NRG3: variants seen among roughly 807,000 people sequenced by gnomAD.
NRG3 encodes pro-neuregulin-3, membrane-bound isoform.
Under a neutral mutation model 66.9 loss-of-function variants are expected in NRG3, and 31 were observed. The observed-to-expected ratio is 0.46, with a 90% confidence interval of 0.35 to 0.63. NRG3 has a LOEUF of 0.63. NRG3 is among the 20% of genes least tolerant of loss of function. NRG3 has a pLI of 0.00. For missense variants in NRG3, 910 were observed against 878.9 expected (o/e 1.04, Z -0.45); for synonymous variants, 393 against 359.4 (o/e 1.09, Z -1.06).
intron 3 of NRG3, among the ~76,000 whole-genome samples, chr10:82,756,730 G>C (rs1207507362): frequency 6.6e-6 from 1 of 151,686 alleles, no homozygotes; most frequent in African/African-American, 2.4e-5. Context: ...ATGTAACAGT[G>C]AAACAAACTG....
chr10:82,521,154 G>A (rs570484573), intron 2 of NRG3, among the ~76,000 whole-genome samples: 10 of 152,058 alleles, frequency 6.6e-5, no homozygotes, highest in East Asian at 5.8e-4. Flanking sequence ...CTATACTGTC[G>A]TTTATTAAAT....
chr10:82,203,818 CA>C (rs2074972938), intron 1 of NRG3, among the ~76,000 whole-genome samples: 1 of 152,056 alleles, frequency 6.6e-6, no homozygotes, highest in Non-Finnish European at 1.5e-5. Context: ...TATTTAACAA[CA>C]GCCAGGAACA....
At chr10:82,901,398 G>A (rs1591885811) in intron 4 of NRG3, among the ~76,000 whole-genome samples, 1 of 152,198 alleles carries the variant, frequency 6.6e-6, no homozygotes, top group Middle Eastern at 3.4e-3. Context: ...CCTTAGAGAG[G>A]TGGAAAAATG....
chr10:82,684,853 A>C (rs143457346), intron 2 of NRG3, among the ~76,000 whole-genome samples: 2 of 152,292 alleles, frequency 1.3e-5, no homozygotes, highest in East Asian at 3.9e-4. Flanking sequence ...CAGAAAAAAA[A>C]CTGACTAAAT....
chr10:81,920,590 T>C (rs546720234), intron 1 of NRG3, among the ~76,000 whole-genome samples: 1 of 152,330 alleles, frequency 6.6e-6, no homozygotes, highest in Non-Finnish European at 1.5e-5. Context: ...TTTGGAAAAT[T>C]TTGATATAGG....
intron 2 of NRG3, among the ~76,000 whole-genome samples, chr10:82,493,780 C>T (rs12780487): frequency 0.53 from 80,665 of 151,996 alleles, 25,030 homozygotes; most frequent in South Asian, 0.75. Context: ...TTCTGCACAG[C>T]AAAAGAAACT....
At position 82,272,423 on chromosome 10, in the gene NRG3, A is replaced by G. The variant is rs2078644992; in HGVS notation, c.824-86316A>G. Among the ~76,000 whole-genome samples the G allele has an allele frequency of 5.3e-5, 8 of 152,138 alleles. No homozygotes were observed. The South Asian group carries it at 1.7e-3, about 32-fold the overall frequency. Reference sequence around the variant, plus strand: ...GGGAGTTTGGAATTGCTTGGGTGCAAGAGAAGCCAGTGAAACATAAAGATG... The same window carrying G: ...GGGAGTTTGGAATTGCTTGGGTGCAGGAGAAGCCAGTGAAACATAAAGATG... On this transcript the variant is annotated intron_variant, in intron 1 of 8. Transcript: ENST00000372141.
chr10:82,179,816 G>T (rs2073291394), intron 1 of NRG3, among the ~76,000 whole-genome samples: 1 of 151,816 alleles, frequency 6.6e-6, no homozygotes, highest in Non-Finnish European at 1.5e-5. Flanking sequence ...TCTGTAGATT[G>T]CTTTGATACC....
intron 2 of NRG3, among the ~76,000 whole-genome samples, chr10:82,479,574 G>A (rs1378572498): frequency 2.1e-5 from 3 of 144,916 alleles, no homozygotes; most frequent in Non-Finnish European, 3.0e-5. Flanking sequence ...TGAGGCAGGA[G>A]AATCGCTTGA....
At chr10:82,678,381 G>C (rs1398308914) in intron 2 of NRG3, among the ~76,000 whole-genome samples, 1 of 152,134 alleles carries the variant, frequency 6.6e-6, no homozygotes, top group African/African-American at 2.4e-5. Flanking sequence ...GGCCGGCAGG[G>C]GTGGGGGTCA....
intron 1 of NRG3, among the ~76,000 whole-genome samples, chr10:82,261,477 G>C (rs191352307): frequency 1.7e-4 from 26 of 152,210 alleles, no homozygotes; most frequent in Admixed American, 1.5e-3. Context: ...CAGCTGGGTC[G>C]TGGAGACCTT....
chr10:82,645,100 T>C (rs1253607707), intron 2 of NRG3, among the ~76,000 whole-genome samples: 2 of 152,194 alleles, frequency 1.3e-5, no homozygotes, highest in African/African-American at 4.8e-5. Flanking sequence ...TTCATATTTT[T>C]TCTTTTTTCT....
intron 4 of NRG3, among the ~76,000 whole-genome samples, chr10:82,907,309 T>G (rs1044652063): frequency 6.6e-6 from 1 of 152,226 alleles, no homozygotes; most frequent in South Asian, 2.1e-4. Flanking sequence ...GAAGATCTTC[T>G]TATGTAAAAT....
At chr10:82,937,616 T>G (rs1208465057) in intron 4 of NRG3, among the ~76,000 whole-genome samples, 1 of 152,154 alleles carries the variant, frequency 6.6e-6, no homozygotes, top group Non-Finnish European at 1.5e-5. Context: ...TGTAAGAGAA[T>G]TTACGGAAGC....
At chr10:82,005,240 G>T (rs1012084901) in intron 1 of NRG3, among the ~76,000 whole-genome samples, 2 of 152,268 alleles carry the variant, frequency 1.3e-5, no homozygotes, top group Non-Finnish European at 2.9e-5. Flanking sequence ...ATGACTCTAT[G>T]CTGGTCCATT....
intron 1 of NRG3, among the ~76,000 whole-genome samples, chr10:82,053,788 G>A (rs2063710718): frequency 6.6e-6 from 1 of 152,186 alleles, no homozygotes. Context: ...AAGAAGTGCA[G>A]GGAGTGTTGG....
chr10:82,652,118 G>A (rs1035177323), intron 2 of NRG3, among the ~76,000 whole-genome samples: 3 of 152,170 alleles, frequency 2.0e-5, no homozygotes, highest in African/African-American at 7.2e-5. Flanking sequence ...AAGCATGCAG[G>A]TGAGTTGGTG....
At chr10:82,085,923 C>A (rs1162838407) in intron 1 of NRG3, among the ~76,000 whole-genome samples, 1 of 152,130 alleles carries the variant, frequency 6.6e-6, no homozygotes, top group African/African-American at 2.4e-5. Flanking sequence ...CAGGCATGAG[C>A]CACCGCTCCT....
At chr10:82,040,707 G>A (rs1292731379) in intron 1 of NRG3, among the ~76,000 whole-genome samples, 1 of 151,912 alleles carries the variant, frequency 6.6e-6, no homozygotes, top group Non-Finnish European at 1.5e-5. Flanking sequence ...GTCAAGCCAG[G>A]CATTCAATCC....
Sources: gnomAD v4.1 joint callset for allele counts (sites outside exome capture counted in the v4.1 genomes callset) on GRCh38, gnomAD v4.1.1 for gene constraint, MANE v1.5 for transcripts, NCBI Gene and HGNC (gene_info 2026-07-23, HGNC 2026-07-21) for gene names.